The following THSD7B variants were observed in gnomAD, a reference collection of about 807,000 sequenced individuals.
THSD7B encodes the protein thrombospondin type-1 domain-containing protein 7B.
THSD7B carries 138 observed loss-of-function variants against 213.6 expected under a neutral mutation model. The ratio of observed to expected loss-of-function variants is 0.65; its 90% CI spans 0.56 to 0.74. The LOEUF (loss-of-function observed/expected upper bound fraction) is 0.74. Ranked by LOEUF, THSD7B falls within the 30% of genes least tolerant of loss-of-function variation. The pLI, the probability that THSD7B is intolerant of heterozygous loss-of-function variation, is 0.00. For synonymous variants in THSD7B, 742 were observed against 687.0 expected (o/e 1.08, Z -1.25); for missense variants, 1,931 against 1,991.5 (o/e 0.97, Z 0.58).
chr2:137,635,923 G>A (rs147849968), intron 20 of THSD7B, among the ~76,000 whole-genome samples: 2,992 of 152,128 alleles, frequency 0.02, 43 homozygotes, highest in Middle Eastern at 0.071. Context: ...GGCTGGTCTC[G>A]AACTCCTGAC....
chr2:137,453,377 C>T (rs1306408306), intron 15 of THSD7B, among the ~76,000 whole-genome samples: 14 of 140,552 alleles, frequency 1.0e-4, no homozygotes, highest in African/African-American at 2.7e-4. Flanking sequence ...TCTCCCAGGC[C>T]GGAGTGCAGT....
chr2:137,003,326 A>C (rs758774389), intron 2 of THSD7B, among the ~76,000 whole-genome samples: 2 of 152,210 alleles, frequency 1.3e-5, no homozygotes, highest in African/African-American at 4.8e-5. Flanking sequence ...CATTCCAAGA[A>C]CAAGAAAAGG....
chr2:137,095,140 T>C lies in THSD7B; in HGVS notation c.1199+19T>C. On this transcript the variant is annotated intron_variant, in intron 4 of 27. Transcript: ENST00000409968. ...GTCCCAGGTATTACGCCTTTATGCC[T>C]TCTTTAGTGTGAAGGAGGCATAATT... 5 of 1,610,652 alleles carry C rather than the reference T, an allele frequency of 3.1e-6. No homozygotes were observed. The highest frequency in any genetic ancestry group is 4.2e-6 in the Non-Finnish European group (5 of 1,177,534).
intron 14 of THSD7B, among the ~76,000 whole-genome samples, chr2:137,440,680 T>C (rs1687389347): frequency 6.6e-6 from 1 of 152,046 alleles, no homozygotes; most frequent in Non-Finnish European, 1.5e-5. Flanking sequence ...TTATTTTATG[T>C]GAAATCTCCC....
intron 15 of THSD7B, among the ~76,000 whole-genome samples, chr2:137,517,693 G>T (rs1019278567): frequency 6.6e-6 from 1 of 152,180 alleles, no homozygotes; most frequent in Non-Finnish European, 1.5e-5. Flanking sequence ...AAGCTTCTCT[G>T]CCACTTGGGC....
intron 2 of THSD7B, among the ~76,000 whole-genome samples, chr2:137,021,599 G>A (rs939437491): frequency 6.6e-6 from 1 of 152,124 alleles, no homozygotes; most frequent in African/African-American, 2.4e-5. Flanking sequence ...GATTTCCCAT[G>A]TGTCTTTTAC....
At chr2:136,955,120 A>G (rs1685103853) in intron 2 of THSD7B, among the ~76,000 whole-genome samples, 1 of 152,206 alleles carries the variant, frequency 6.6e-6, no homozygotes, top group South Asian at 2.1e-4. Context: ...TGCAGAAACG[A>G]GCATCATGGT....
intron 6 of THSD7B, among the ~76,000 whole-genome samples, chr2:137,169,599 G>C (rs771010194): frequency 1.3e-5 from 2 of 152,056 alleles, no homozygotes; most frequent in Non-Finnish European, 2.9e-5. Flanking sequence ...AGGAATAAAT[G>C]AATAACAATT....
chr2:137,597,228 ATGGGATTC>A (rs1483498885), intron 17 of THSD7B, among the ~76,000 whole-genome samples: 3 of 152,066 alleles, frequency 2.0e-5, no homozygotes, highest in Non-Finnish European at 4.4e-5. Flanking sequence ...ATTTAGAATA[ATGGGATTC>A]TGCCTTTGTT....
At chr2:136,861,840 T>C (rs1186244029) in intron 1 of THSD7B, among the ~76,000 whole-genome samples, 2 of 152,238 alleles carry the variant, frequency 1.3e-5, no homozygotes, top group Admixed American at 6.5e-5. Flanking sequence ...TGAGTGGTTC[T>C]GGCTCAGGAT....
At chr2:137,636,335 T>G (rs1410237571) in intron 20 of THSD7B, among the ~76,000 whole-genome samples, 1 of 152,180 alleles carries the variant, frequency 6.6e-6, no homozygotes, top group Non-Finnish European at 1.5e-5. Flanking sequence ...AGGGAGCCCT[T>G]GGAAAACTGA....
chr2:136,784,377 CT>C (rs1228708266), intron 1 of THSD7B, among the ~76,000 whole-genome samples: 1 of 152,102 alleles, frequency 6.6e-6, no homozygotes, highest in Non-Finnish European at 1.5e-5. Flanking sequence ...AACAACAATG[CT>C]CTCTGATACA....
intron 10 of THSD7B, among the ~76,000 whole-genome samples, chr2:137,256,976 A>C (rs1682325603): frequency 6.6e-6 from 1 of 152,062 alleles, no homozygotes; most frequent in South Asian, 2.1e-4. Flanking sequence ...GCTCGTGGGG[A>C]GTCTACAGAG....
At chr2:137,112,363 TA>T (rs35106366) in intron 4 of THSD7B, among the ~76,000 whole-genome samples, 14,795 of 150,112 alleles carry the variant, frequency 0.099, 815 homozygotes, top group African/African-American at 0.15. Context: ...TCTGAGGTGG[TA>T]AAAAAAAAAT....
At chr2:136,972,478 A>G (rs891504424) in intron 2 of THSD7B, among the ~76,000 whole-genome samples, 1 of 152,184 alleles carries the variant, frequency 6.6e-6, no homozygotes, top group Non-Finnish European at 1.5e-5. Context: ...GTATGCGTGT[A>G]TGTATTTGAT....
chr2:137,526,670 C>T (rs1162661260), intron 15 of THSD7B, among the ~76,000 whole-genome samples: 2 of 152,124 alleles, frequency 1.3e-5, no homozygotes, highest in African/African-American at 4.8e-5. Context: ...GTGATCCATC[C>T]ACCTTAGCCT....
At chr2:137,140,782 T>C (rs1432523043) in intron 5 of THSD7B, among the ~76,000 whole-genome samples, 1 of 152,190 alleles carries the variant, frequency 6.6e-6, no homozygotes, top group Non-Finnish European at 1.5e-5. Flanking sequence ...GTAGTATTTA[T>C]GTTCTGATGG....
intron 12 of THSD7B, among the ~76,000 whole-genome samples, chr2:137,404,874 G>A (rs1327133729): frequency 6.6e-6 from 1 of 151,896 alleles, no homozygotes; most frequent in Non-Finnish European, 1.5e-5. Flanking sequence ...GGAGGGGGGT[G>A]AGGGATAAAA....
At chr2:137,302,163 G>T (rs1683621018) in intron 12 of THSD7B, among the ~76,000 whole-genome samples, 1 of 152,062 alleles carries the variant, frequency 6.6e-6, no homozygotes, top group Non-Finnish European at 1.5e-5. Context: ...AATTTGGGTG[G>T]TCATCATCAC....
Sources: allele counts gnomAD v4.1 joint callset (sites outside exome capture counted in the v4.1 genomes callset), GRCh38; gene constraint gnomAD v4.1.1; transcripts MANE v1.5; gene names NCBI Gene and HGNC (gene_info 2026-07-23, HGNC 2026-07-21).